Variants in VGLL4 observed in about 807,000 individuals in gnomAD.
VGLL4 encodes transcription cofactor vestigial-like protein 4.
A neutral mutation model predicts 21.0 loss-of-function variants in VGLL4; 7 were observed. The observed-to-expected ratio is 0.33, with a 90% CI of 0.19 to 0.63. The LOEUF (loss-of-function observed/expected upper bound fraction) is 0.63. Ranked by LOEUF, VGLL4 falls within the 20% of genes least tolerant of loss-of-function variation. VGLL4 has a pLI of 0.78. For missense variants in VGLL4, 394 were observed against 425.7 expected (o/e 0.93, Z 0.66); for synonymous variants, 222 against 173.2 (o/e 1.28, Z -2.21).
chr3:11,600,771 T>C (rs1047624870), intron 2 of VGLL4, among the ~76,000 whole-genome samples: 5 of 152,108 alleles, frequency 3.3e-5, no homozygotes, highest in Admixed American at 3.3e-4. Context: ...CAGGAAGGTA[T>C]TCCTGTGGGG....
chr3:11,673,823 G>A (rs1445621964), intron 2 of VGLL4, among the ~76,000 whole-genome samples: 4 of 151,916 alleles, frequency 2.6e-5, no homozygotes, highest in Non-Finnish European at 4.4e-5. Context: ...AAACCAGCCT[G>A]GGCAACATGG....
chr3:11,593,462 G>C (rs1443036648), intron 2 of VGLL4, among the ~76,000 whole-genome samples: 1 of 152,156 alleles, frequency 6.6e-6, no homozygotes, highest in Non-Finnish European at 1.5e-5. Flanking sequence ...GATTTCAAAG[G>C]CTTCCTCCAA....
At chr3:11,679,427 G>T (rs1405275283) in intron 2 of VGLL4, among the ~76,000 whole-genome samples, 1 of 152,214 alleles carries the variant, frequency 6.6e-6, no homozygotes, top group African/African-American at 2.4e-5. Context: ...GCTCACGCCT[G>T]TAATTCCAGC....
intron 2 of VGLL4, among the ~76,000 whole-genome samples, chr3:11,598,529 A>G (rs2074703448): frequency 6.6e-6 from 1 of 151,028 alleles, no homozygotes; most frequent in African/African-American, 2.4e-5. Flanking sequence ...TCCCTTTTGT[A>G]CCCTGGCTGG....
At position 11,568,660 on chromosome 3, in the gene VGLL4, G is replaced by T. The variant is rs1003649310; in HGVS notation, c.273-3641C>A. The T allele has an allele frequency of 1.9e-6, 3 of 1,559,210 alleles. No individual in the cohort carries two copies. The highest frequency in any genetic ancestry group is 2.7e-5 in the African/African-American group (2 of 73,456). On this transcript the variant is annotated intron_variant, in intron 2 of 4. Coordinates refer to ENST00000430365, the MANE Select transcript of VGLL4 (RefSeq NM_001128219.3). The surrounding 1 kb of genome is among the most constrained non-coding windows in gnomAD (Gnocchi z 5.9). ...CTTCAAGACAGACATTGTTTTCCAG[G>T]CCCCGCTCGCCCGGATGAATCACCT...
intron 2 of VGLL4, among the ~76,000 whole-genome samples, chr3:11,590,487 C>G (rs935117630): frequency 3.3e-5 from 5 of 152,146 alleles, no homozygotes; most frequent in Admixed American, 3.3e-4. Context: ...GCAACAGTTG[C>G]TTCCTTCTAT....
chr3:11,702,238 T>C (rs757809469), intron 2 of VGLL4, among the ~76,000 whole-genome samples: 3 of 152,254 alleles, frequency 2.0e-5, no homozygotes, highest in South Asian at 4.1e-4. Flanking sequence ...AGTATCTTCA[T>C]TCCAGATCAC....
Position 11,558,912 on chromosome 3 carries a change from C to G in VGLL4, c.620-85G>C, listed in dbSNP as rs1191815806. On this transcript the variant is annotated intron_variant, in intron 4 of 4. Transcript: ENST00000430365. The stretch of plus-strand genomic sequence containing the variant: ...GTTGCAGCACCCTCCCTCAGGCAGC[C>G]CAGAGCCGGACTGGCTGCCACGGTC... 4.0e-6 allele frequency: 6 copies of G among 1,503,360 alleles called. No homozygotes were observed. In the East Asian group the frequency reaches 1.2e-4, roughly 29 times the overall value. 93.1% of individuals were successfully genotyped at this position (1,503,360 alleles called of 1,614,324 possible). A position where few individuals can be genotyped will look rare whatever the true frequency, so the allele number is the denominator to read the frequency against.
rs1388861726 is a variant in VGLL4 at position 11,556,615 on chromosome 3, T to C, written c.*1941A>G. The C allele has an allele frequency of 6.8e-6, 1 of 146,756 alleles. No individual in the cohort carries two copies. Among genetic ancestry groups the C allele is most frequent in the East Asian group, 1.9e-4 (1 of 5,254 alleles). 9.1% of individuals were successfully genotyped at this position (146,756 alleles called of 1,614,324 possible). Reference sequence around the variant, plus strand: ...ATCTACGACAAAAAAAAAGATCAACTTTTTTTTTCCGAACAACAAAAAAAA... The same window carrying C: ...ATCTACGACAAAAAAAAAGATCAACCTTTTTTTTCCGAACAACAAAAAAAA... On this transcript the variant is annotated 3_prime_UTR_variant, in exon 5 of 5. Transcript: ENST00000430365.
At position 11,557,645 on chromosome 3, in the gene VGLL4, ATAAAC is replaced by A. The variant is rs2072565831; in HGVS notation, c.*906_*910del. 6.5e-6 allele frequency: 1 copy of A among 152,784 alleles called. No homozygotes were observed. The highest frequency in any genetic ancestry group is 2.4e-5 in the African/African-American group (1 of 41,470). 9.5% of individuals were successfully genotyped at this position (152,784 alleles called of 1,614,324 possible). On this transcript the variant is annotated 3_prime_UTR_variant, in exon 5 of 5. Transcript: ENST00000430365. ...ATATCTAGGACTGTAACTGACAAAA[ATAAAC>A]TAATTCTGAAAAGAAGATAGTAAGT...
At chr3:11,623,481 G>GA (rs146436215) in intron 1 of VGLL4, among the ~76,000 whole-genome samples, 3 of 151,988 alleles carry the variant, frequency 2.0e-5, no homozygotes, top group South Asian at 4.2e-4. Flanking sequence ...GCAATTGGTT[G>GA]AAAAAAAATC....
intron 2 of VGLL4, among the ~76,000 whole-genome samples, chr3:11,590,476 A>G (rs923767364): frequency 6.6e-6 from 1 of 152,214 alleles, no homozygotes; most frequent in African/African-American, 2.4e-5. Context: ...AGAGGGCAGT[A>G]GCAACAGTTG....
At chr3:11,718,915 G>A (rs1262587745) in intron 1 of VGLL4, among the ~76,000 whole-genome samples, 1 of 152,172 alleles carries the variant, frequency 6.6e-6, no homozygotes, top group Non-Finnish European at 1.5e-5. Context: ...ACGAACACAT[G>A]CCAGCAACGT....
chr3:11,663,454 C>A (rs2076064070), intron 2 of VGLL4, among the ~76,000 whole-genome samples: 1 of 152,230 alleles, frequency 6.6e-6, no homozygotes, highest in Non-Finnish European at 1.5e-5. Flanking sequence ...CGCGGTGGCT[C>A]ACGCCTGCGA....
intron 1 of VGLL4, among the ~76,000 whole-genome samples, chr3:11,631,592 T>G (rs1428256004): frequency 6.6e-6 from 1 of 152,182 alleles, no homozygotes; most frequent in Non-Finnish European, 1.5e-5. Flanking sequence ...TGCTCTAAAC[T>G]GCACCGTAAC....
Position 11,558,329 on chromosome 3 carries a change from CAG to C in VGLL4, c.*225_*226del, listed in dbSNP as rs2072625909. Reference sequence around the variant, plus strand: ...CAGGAAGTAAGGATGCTACATTAGACAGATGTTCCACGCGTAGTTCCTGCTAT... The same window carrying C: ...CAGGAAGTAAGGATGCTACATTAGACATGTTCCACGCGTAGTTCCTGCTAT... On this transcript the variant is annotated 3_prime_UTR_variant, in exon 5 of 5. Transcript: ENST00000430365. 1 of 686,894 alleles carries C rather than the reference CAG, an allele frequency of 1.5e-6. No homozygotes were observed. Among genetic ancestry groups the C allele is most frequent in the Admixed American group, 3.0e-5 (1 of 33,818 alleles). 42.5% of individuals were successfully genotyped at this position (686,894 alleles called of 1,614,324 possible).
At chr3:11,587,088 G>A (rs1442789679) in intron 2 of VGLL4, among the ~76,000 whole-genome samples, 14 of 152,214 alleles carry the variant, frequency 9.2e-5, no homozygotes, top group Non-Finnish European at 2.1e-4. Context: ...TGGCCAAAGA[G>A]ACTTTCAAGG....
upstream of VGLL4, among the ~76,000 whole-genome samples, chr3:11,646,313 T>G (rs2075791334): frequency 6.6e-6 from 1 of 152,208 alleles, no homozygotes; most frequent in Non-Finnish European, 1.5e-5. Flanking sequence ...ACTGATAGTT[T>G]TGGAGTACTC....
chr3:11,673,718 T>C (rs576658040), intron 2 of VGLL4, among the ~76,000 whole-genome samples: 1 of 152,064 alleles, frequency 6.6e-6, no homozygotes, highest in East Asian at 1.9e-4. Flanking sequence ...CACCAGCAGA[T>C]ACAAAATCAG....
Sources: gnomAD v4.1 joint callset for allele counts (sites outside exome capture counted in the v4.1 genomes callset) on GRCh38, gnomAD v4.1.1 for gene constraint, Gnocchi (gnomAD v3.1) non-coding constraint, MANE v1.5 for transcripts, NCBI Gene and HGNC (gene_info 2026-07-23, HGNC 2026-07-21) for gene names.